Variants in SLC12A7 observed in about 807,000 individuals in gnomAD.
The protein encoded by SLC12A7 is solute carrier family 12 member 7.
SLC12A7 carries 100 observed loss-of-function variants against 120.6 expected under a neutral mutation model. The observed-to-expected ratio is 0.83, with a 90% confidence interval of 0.71 to 0.98. The LOEUF (loss-of-function observed/expected upper bound fraction) is 0.98. SLC12A7 is among the 50% of genes least tolerant of loss of function. The probability of loss-of-function intolerance (pLI) is 0.00; values close to 1 mark genes in which losing one functional copy is unlikely to be tolerated. For missense variants in SLC12A7, 1,373 were observed against 1,548.1 expected, an observed-to-expected ratio of 0.89 and a Z score of 1.90; for synonymous variants, 760 against 678.0, an observed-to-expected ratio of 1.12 and a Z score of -1.88.
the SLC12A7 span, among the ~76,000 whole-genome samples, chr5:1,118,441 G>A: frequency 6.6e-6 from 1 of 152,248 alleles, no homozygotes; most frequent in African/African-American, 2.4e-5. Context: ...AGGCCTGGCA[G>A]CCATCCAGAC....
chr5:1,081,448 A>G lies in SLC12A7; in HGVS notation c.1297+129T>C, dbSNP rs1300417547. 1.2e-5 allele frequency: 11 copies of G among 937,358 alleles called. 1 individual carries two copies. Among genetic ancestry groups the G allele is most frequent in the African/African-American group, 9.9e-5 (6 of 60,768 alleles). 58.1% of individuals were successfully genotyped at this position (937,358 alleles called of 1,614,324 possible). ...TCAGGTGGGAGGAATATTTGTGTCT[A>G]GGAGTTGAGGCTGCAGTGAGCCGTG... On this transcript the variant is annotated intron_variant, in intron 9 of 23. Transcript: ENST00000264930.
rs552157958 is a variant in SLC12A7, at chr5:1,088,213, G to A, written c.544+93C>T. On this transcript the variant is annotated intron_variant, in intron 5 of 23. Coordinates refer to ENST00000264930, the MANE Select transcript of SLC12A7 (RefSeq NM_006598.3). Reference sequence around the variant, plus strand: ...GAGACCCCCAGGCAGCCCCCGGCCCGGCCTCGCCAAGCGGCCTCCTCGCGG... The same window carrying A: ...GAGACCCCCAGGCAGCCCCCGGCCCAGCCTCGCCAAGCGGCCTCCTCGCGG... 269 of 1,327,884 alleles carry A rather than the reference G, an allele frequency of 2.0e-4. No homozygotes were observed. The Middle Eastern group carries it at 4.2e-3, about 21-fold the overall frequency. 82.3% of individuals were successfully genotyped at this position (1,327,884 alleles called of 1,614,324 possible).
rs1392608099 is a variant in SLC12A7 at position 1,051,064 on chromosome 5, C to T, written c.*1296G>A. On this transcript the variant is annotated 3_prime_UTR_variant, in exon 24 of 24. Coordinates refer to ENST00000264930, the MANE Select transcript of SLC12A7 (RefSeq NM_006598.3). Reference sequence around the variant, plus strand: ...GGGGTGTTTAAATAAATAAATATGCCACATAGAAAGGGAGGCCCAAGTCGG... The same window carrying T: ...GGGGTGTTTAAATAAATAAATATGCTACATAGAAAGGGAGGCCCAAGTCGG... The T allele has an allele frequency of 5.0e-6, 2 of 397,386 alleles. No individual in the cohort carries two copies. Among genetic ancestry groups the T allele is most frequent in the Non-Finnish European group, 8.9e-6 (2 of 225,724 alleles). The allele number at this position is 397,386 out of a possible 1,614,324, so 24.6% of individuals were successfully genotyped here. A position where few individuals can be genotyped will look rare whatever the true frequency, so the allele number is the denominator to read the frequency against.
the SLC12A7 span, among the ~76,000 whole-genome samples, chr5:1,130,152 C>A: frequency 6.6e-6 from 1 of 152,176 alleles, no homozygotes; most frequent in African/African-American, 2.4e-5. Context: ...GCTGTGGGGG[C>A]CCCTTTTCCA....
chr5:1,149,970 C>T, the SLC12A7 span, among the ~76,000 whole-genome samples: 4 of 152,016 alleles, frequency 2.6e-5, no homozygotes, highest in Admixed American at 2.0e-4. Context: ...GTGGAGGTTG[C>T]GGTGAGCTGA....
At chr5:1,063,339 C>T (rs373568750) in intron 20 of SLC12A7, among the ~76,000 whole-genome samples, 6 of 152,294 alleles carry the variant, frequency 3.9e-5, no homozygotes, top group South Asian at 4.1e-4. Flanking sequence ...GCACCCAAAA[C>T]GGGAGGTGCT....
rs754769892 is a variant in SLC12A7 at position 1,064,046 on chromosome 5, C to T, written c.2607+37G>A. 151 of 1,600,148 alleles carry T rather than the reference C, an allele frequency of 9.4e-5. 4 individuals are homozygous for T. In the South Asian group the frequency reaches 1.4e-3, roughly 15 times the overall value. ...CCCGGCCCGCAGCACGTGGGGTGGC[C>T]GTGCTCCGGCTGGCGTGTCCCCGTC... On this transcript the variant is annotated intron_variant, in intron 19 of 23. Coordinates refer to ENST00000264930, the MANE Select transcript of SLC12A7 (RefSeq NM_006598.3).
chr5:1,087,069 C>A, intron 5 of SLC12A7, 36 bp from the exon 6 acceptor site: 1 of 1,587,238 alleles, frequency 6.3e-7, no homozygotes, highest in Admixed American at 1.8e-5. Flanking sequence ...GGGTCAGGGG[C>A]GCACTTGGAC....
intron 21 of SLC12A7, among the ~76,000 whole-genome samples, chr5:1,059,888 G>A (rs939881215): frequency 3.9e-5 from 6 of 152,124 alleles, no homozygotes; most frequent in African/African-American, 1.4e-4. Context: ...GGGCACTGAG[G>A]GGCTCCACGG....
chr5:1,124,341 G>C, the SLC12A7 span, among the ~76,000 whole-genome samples: 1 of 152,208 alleles, frequency 6.6e-6, no homozygotes, highest in Non-Finnish European at 1.5e-5. Context: ...CAGCTCCAGC[G>C]CCTGGTCATG....
chr5:1,122,988 G>A, the SLC12A7 span, among the ~76,000 whole-genome samples: 28 of 152,362 alleles, frequency 1.8e-4, no homozygotes, highest in Non-Finnish European at 2.9e-4. Context: ...CTGGGGGCGC[G>A]GGGCCTGACC....
At chr5:1,085,179 G>A (rs967776550) in intron 7 of SLC12A7, 53 bp downstream of exon 7, 1 of 1,591,900 alleles carries the variant, frequency 6.3e-7, no homozygotes, top group Non-Finnish European at 8.6e-7. Flanking sequence ...AGAGCCCATG[G>A]GACCTGGCCC....
chr5:1,065,527 G>T, intron 17 of SLC12A7, 49 bp from the exon 18 acceptor site: 1 of 1,474,074 alleles, frequency 6.8e-7, no homozygotes. Flanking sequence ...GGGGTGCACA[G>T]ACCCACGCCC....
chr5:1,096,714 A>AG (rs1554021587), intron 1 of SLC12A7, among the ~76,000 whole-genome samples: 45 of 46,500 alleles, frequency 9.7e-4, no homozygotes, highest in East Asian at 4.0e-3. Context: ...GGAAGGAGGG[A>AG]GGAAGGAAAG....
chr5:1,112,945 G>A (rs534617394), upstream of SLC12A7, among the ~76,000 whole-genome samples: 6 of 137,348 alleles, frequency 4.4e-5, no homozygotes, highest in South Asian at 7.5e-4. Context: ...GGAGTGCCCC[G>A]CGGCCCCTGC....
intron 11 of SLC12A7, chr5:1,078,406 G>C: frequency 3.6e-6 from 2 of 561,520 alleles, no homozygotes; most frequent in Non-Finnish European, 6.3e-6. Flanking sequence ...CAGGGCTGAG[G>C]GATCTCCCAG....
the SLC12A7 span, among the ~76,000 whole-genome samples, chr5:1,140,088 C>T: frequency 6.6e-6 from 1 of 152,352 alleles, no homozygotes; most frequent in African/African-American, 2.4e-5. Context: ...CCAGGCACCA[C>T]CGCCTTGGCC....
chr5:1,095,018 G>C (rs976746135), intron 1 of SLC12A7, among the ~76,000 whole-genome samples: 1 of 140,398 alleles, frequency 7.1e-6, no homozygotes, highest in African/African-American at 2.5e-5. Context: ...GTAGGAGGTG[G>C]GGGCGGTAGG....
At chr5:1,104,272 G>A (rs1307759789) in intron 1 of SLC12A7, among the ~76,000 whole-genome samples, 5 of 152,232 alleles carry the variant, frequency 3.3e-5, no homozygotes, top group African/African-American at 9.6e-5. Context: ...CGCCACCCTC[G>A]TGACAGGCTG....
Sources: gnomAD v4.1 joint callset for allele counts (sites outside exome capture counted in the v4.1 genomes callset) on GRCh38, gnomAD v4.1.1 for gene constraint, MANE v1.5 for transcripts, NCBI Gene and HGNC (gene_info 2026-07-23, HGNC 2026-07-21) for gene names.